Variants in TEX11 observed in about 807,000 individuals in gnomAD.
TEX11 encodes testis expressed 11, also known as testis-expressed protein 11.
A neutral mutation model predicts 84.4 loss-of-function variants in TEX11; 7 were observed. The observed-to-expected ratio is 0.08, with a 90% CI of 0.05 to 0.16. The LOEUF (loss-of-function observed/expected upper bound fraction) is 0.16. TEX11 is among the 10% of genes least tolerant of loss of function. The pLI is 1.00. For missense variants in TEX11, 551 were observed against 660.5 expected (o/e 0.83, Z 1.82); for synonymous variants, 264 against 222.8 (o/e 1.18, Z -1.64).
rs907090671 is a variant in TEX11 at position 70,623,855 on chromosome X, C to T, written c.1751+95G>A. The T allele has an allele frequency of 4.0e-6, 3 of 744,779 alleles. No individual in the cohort carries two copies. In the African/African-American group the frequency reaches 6.5e-5, roughly 16 times the overall value. The allele number at this position is 744,779 out of a possible 1,213,427, so 61.4% of individuals were successfully genotyped here. ...GCCCCAAAACCTGTATTGATCTTAC[C>T]CACTACACTAAGTATCTCTGAATAT... On this transcript the variant is annotated intron_variant, in intron 20 of 29. Coordinates refer to ENST00000374333, the MANE Select transcript of TEX11 (RefSeq NM_031276.3).
chrX:70,799,735 G>A (rs2091176059), intron 9 of TEX11, among the ~76,000 whole-genome samples: 1 of 111,978 alleles, frequency 8.9e-6, no homozygotes, highest in South Asian at 3.7e-4. Context: ...GATCCCACTT[G>A]TTTAAAATTT....
chrX:70,511,752 C>CAAAAAAAAAAAAAAA, the TEX11 span, among the ~76,000 whole-genome samples: 12 of 32,663 alleles, frequency 3.7e-4, no homozygotes, highest in Non-Finnish European at 6.9e-4. Flanking sequence ...GACTCCATCT[C>CAAAAAAAAAAAAAAA]AAAAAAAAAA....
chrX:70,733,002 T>C lies in TEX11; in HGVS notation c.844-7659A>G, dbSNP rs193064605. 2.1e-3 allele frequency among the ~76,000 whole-genome samples: 231 copies of C among 111,467 alleles called. 1 individual carries two copies. Among genetic ancestry groups the C allele is most frequent in the African/African-American group, 7.4e-3 (228 of 30,681 alleles). On this transcript the variant is annotated intron_variant, in intron 11 of 29. Coordinates refer to ENST00000374333, the MANE Select transcript of TEX11 (RefSeq NM_031276.3). Reference sequence around the variant, plus strand: ...GAGCCCTCAGAAATAATGCCACACATCTACAACTATCTGACCTTTGACAAA... The same window carrying C: ...GAGCCCTCAGAAATAATGCCACACACCTACAACTATCTGACCTTTGACAAA...
At chrX:70,874,221 C>T (rs1223673963) in intron 3 of TEX11, among the ~76,000 whole-genome samples, 1 of 110,045 alleles carries the variant, frequency 9.1e-6, no homozygotes, top group Admixed American at 9.8e-5. Flanking sequence ...GAACCATGAG[C>T]CAAATAAACT....
chrX:70,618,662 CACTA>C (rs1320643466), intron 20 of TEX11, among the ~76,000 whole-genome samples: 5 of 111,674 alleles, frequency 4.5e-5, no homozygotes, highest in African/African-American at 1.6e-4. Context: ...CAGGAATAGA[CACTA>C]ACTCTGGATT....
At chrX:70,619,911 C>T (rs1205586851) in intron 20 of TEX11, among the ~76,000 whole-genome samples, 1 of 108,924 alleles carries the variant, frequency 9.2e-6, no homozygotes, top group East Asian at 2.9e-4. Flanking sequence ...CGGGTTCATG[C>T]CATTCTCCTG....
chrX:70,689,299 G>A (rs1350678680), intron 13 of TEX11, among the ~76,000 whole-genome samples: 2 of 111,051 alleles, frequency 1.8e-5, no homozygotes, highest in Non-Finnish European at 1.9e-5. Context: ...TATATACTCA[G>A]ATTAGTATAC....
intron 9 of TEX11, among the ~76,000 whole-genome samples, chrX:70,780,567 G>A (rs1334971611): frequency 2.7e-5 from 3 of 112,220 alleles, no homozygotes; most frequent in Non-Finnish European, 5.6e-5. Flanking sequence ...GGGAAGCTGT[G>A]ACAGTCTGTA....
In TEX11 at chrX:70,650,977, A is replaced by G. The variant is rs182716911; in HGVS notation, c.1483+473T>C. Among the ~76,000 whole-genome samples the G allele has an allele frequency of 3.6e-3, 400 of 111,844 alleles. 1 individual carries two copies. Among genetic ancestry groups the G allele is most frequent in the Non-Finnish European group, 5.4e-3 (286 of 53,099 alleles). On this transcript the variant is annotated intron_variant, in intron 17 of 29. Coordinates refer to ENST00000374333, the MANE Select transcript of TEX11 (RefSeq NM_031276.3). The stretch of plus-strand genomic sequence containing the variant: ...TGAGGGTCATGTGTGAAATTCCAAG[A>G]CTGTCTACTCTGTGGAGAGAAACTC...
chrX:70,900,480 T>C (rs935764492), intron 2 of TEX11, among the ~76,000 whole-genome samples: 2 of 107,666 alleles, frequency 1.9e-5, no homozygotes, highest in Non-Finnish European at 3.8e-5. Context: ...GGATACAGAG[T>C]GAAGTTTATC....
intron 16 of TEX11, among the ~76,000 whole-genome samples, chrX:70,659,140 C>T (rs940034967): frequency 8.9e-6 from 1 of 111,795 alleles, no homozygotes; most frequent in Non-Finnish European, 1.9e-5. Context: ...TTCATGACAT[C>T]GGATTTGCAA....
At chrX:70,779,530 T>C (rs1458841127) in intron 9 of TEX11, among the ~76,000 whole-genome samples, 1 of 108,198 alleles carries the variant, frequency 9.2e-6, no homozygotes, top group African/African-American at 3.4e-5. Context: ...AGCCCAAAGT[T>C]AACAGGCAGA....
intron 2 of TEX11, among the ~76,000 whole-genome samples, chrX:70,886,524 C>G (rs1471821954): frequency 9.0e-6 from 1 of 111,609 alleles, no homozygotes; most frequent in Non-Finnish European, 1.9e-5. Flanking sequence ...CTATACAATA[C>G]TATACTTACA....
intron 2 of TEX11, among the ~76,000 whole-genome samples, chrX:70,880,787 A>G (rs2091678281): frequency 9.1e-6 from 1 of 110,219 alleles, no homozygotes; most frequent in Non-Finnish European, 1.9e-5. Flanking sequence ...TTAACCAGAT[A>G]TTGAATCTGC....
intron 17 of TEX11, among the ~76,000 whole-genome samples, chrX:70,630,019 G>C (rs767137171): frequency 1.2e-4 from 13 of 111,841 alleles, no homozygotes; most frequent in African/African-American, 3.9e-4. Context: ...TTGTTTATAA[G>C]AGTAAAATAT....
chrX:70,638,553 A>G (rs5980722), intron 17 of TEX11, among the ~76,000 whole-genome samples: 21,449 of 110,183 alleles, frequency 0.19, 1,666 homozygotes, highest in African/African-American at 0.21. Flanking sequence ...TAATCCCAGC[A>G]CTTTGGGAGG....
chrX:70,692,047 G>A (rs2090239869), intron 13 of TEX11, among the ~76,000 whole-genome samples: 1 of 111,301 alleles, frequency 9.0e-6, no homozygotes, highest in Non-Finnish European at 1.9e-5. Flanking sequence ...ATAAAAGTTT[G>A]GAAAAAAATA....
intron 25 of TEX11, among the ~76,000 whole-genome samples, chrX:70,565,811 G>C (rs1161723518): frequency 1.8e-5 from 2 of 111,643 alleles, no homozygotes; most frequent in African/African-American, 6.5e-5. Context: ...CTGTAGCCTT[G>C]TAGTATAGTT....
chrX:70,514,241 G>A, the TEX11 span, among the ~76,000 whole-genome samples: 1 of 109,621 alleles, frequency 9.1e-6, no homozygotes, highest in Non-Finnish European at 1.9e-5. Flanking sequence ...ATGACGTTGT[G>A]CTATATGCAT....
Sources: allele counts gnomAD v4.1 joint callset (sites outside exome capture counted in the v4.1 genomes callset), GRCh38; gene constraint gnomAD v4.1.1; transcripts MANE v1.5; gene names NCBI Gene and HGNC (gene_info 2026-07-23, HGNC 2026-07-21).